Variants in CNTN6 observed in about 807,000 individuals in gnomAD.
The protein encoded by CNTN6 is contactin-6.
Under a neutral mutation model 122.8 loss-of-function variants are expected in CNTN6, and 137 were observed. The observed-to-expected ratio is 1.12, with a 90% CI of 0.97 to 1.29. The LOEUF (loss-of-function observed/expected upper bound fraction) is 1.29, where lower values mean the gene tolerates loss of function less well. CNTN6 is among the 50% of genes most tolerant of loss of function. The probability of loss-of-function intolerance (pLI) is 0.00; values close to 1 mark genes in which losing one functional copy is unlikely to be tolerated. For synonymous variants in CNTN6, 570 were observed against 426.0 expected, an observed-to-expected ratio of 1.34 and a Z score of -4.16; for missense variants, 1,634 against 1,223.4, an observed-to-expected ratio of 1.34 and a Z score of -5.01.
At chr3:1,268,468 G>A (rs1250105442) in intron 4 of CNTN6, among the ~76,000 whole-genome samples, 2 of 151,690 alleles carry the variant, frequency 1.3e-5, no homozygotes, top group Non-Finnish European at 2.9e-5. Flanking sequence ...TTAGCCAGGC[G>A]CGGTGGCAGG....
intron 4 of CNTN6, among the ~76,000 whole-genome samples, chr3:1,243,416 T>A (rs934065489): frequency 3.3e-5 from 5 of 152,196 alleles, no homozygotes; most frequent in Admixed American, 2.0e-4. Context: ...ATTGTACACC[T>A]TGAAGACGAG....
chr3:1,292,337 C>T (rs78468541), intron 5 of CNTN6, among the ~76,000 whole-genome samples: 13,841 of 152,036 alleles, frequency 0.091, 741 homozygotes, highest in African/African-American at 0.15. Flanking sequence ...AAAGTTTTAT[C>T]ACTATGTTTT....
At chr3:1,303,470 A>C (rs375619505) in intron 7 of CNTN6, among the ~76,000 whole-genome samples, 77 of 152,258 alleles carry the variant, frequency 5.1e-4, no homozygotes, top group African/African-American at 1.7e-3. Flanking sequence ...TCAGAGGTTA[A>C]ATTTTAGCTA....
chr3:1,218,146 A>G (rs895379846), intron 2 of CNTN6, among the ~76,000 whole-genome samples: 6 of 152,028 alleles, frequency 3.9e-5, no homozygotes, highest in Non-Finnish European at 8.8e-5. Flanking sequence ...ACTTGGTGTG[A>G]GTGGCAGAGC....
chr3:1,397,182 G>A (rs1266543849), intron 20 of CNTN6, among the ~76,000 whole-genome samples: 3 of 151,950 alleles, frequency 2.0e-5, no homozygotes, highest in South Asian at 2.1e-4. Context: ...TTTGCCAACC[G>A]GCAATTTCTC....
At chr3:1,361,106 C>T (rs557932594) in intron 12 of CNTN6, among the ~76,000 whole-genome samples, 1 of 152,188 alleles carries the variant, frequency 6.6e-6, no homozygotes, top group East Asian at 1.9e-4. Flanking sequence ...TCCCAGGGGA[C>T]ATTGGCAAAA....
At chr3:1,263,844 A>G (rs1274854314) in intron 4 of CNTN6, among the ~76,000 whole-genome samples, 12 of 151,918 alleles carry the variant, frequency 7.9e-5, no homozygotes, top group Admixed American at 7.9e-4. Context: ...GGAAAAATAC[A>G]GAGTGATAGG....
At chr3:1,200,287 G>C (rs1430911220) in intron 2 of CNTN6, among the ~76,000 whole-genome samples, 3 of 152,168 alleles carry the variant, frequency 2.0e-5, no homozygotes, top group Non-Finnish European at 2.9e-5. Flanking sequence ...GCCCTCCTCA[G>C]CTTCCCAAAC....
At chr3:1,298,057 T>C (rs1696586465) in intron 7 of CNTN6, 66 bp downstream of exon 7, 2 of 1,140,594 alleles carry the variant, frequency 1.8e-6, no homozygotes, top group East Asian at 4.9e-5. Flanking sequence ...AAAACCTTTT[T>C]GTTATTCATA....
intron 5 of CNTN6, among the ~76,000 whole-genome samples, chr3:1,282,909 C>T (rs759975474): frequency 6.6e-6 from 1 of 152,170 alleles, no homozygotes; most frequent in East Asian, 1.9e-4. Flanking sequence ...TATTTTATTT[C>T]TTTCACTATG....
At chr3:1,145,365 T>C (rs181054921) in intron 1 of CNTN6, among the ~76,000 whole-genome samples, 2 of 152,190 alleles carry the variant, frequency 1.3e-5, no homozygotes, top group Non-Finnish European at 2.9e-5. Flanking sequence ...CCTGGTCATA[T>C]GCTTGTCCCT....
intron 1 of CNTN6, among the ~76,000 whole-genome samples, chr3:1,139,115 C>T (rs946013339): frequency 1.3e-5 from 2 of 152,072 alleles, no homozygotes; most frequent in African/African-American, 2.4e-5. Context: ...AAAAAAACTG[C>T]CACTTCCATT....
intron 1 of CNTN6, among the ~76,000 whole-genome samples, chr3:1,108,071 C>T (rs2091309516): frequency 6.6e-6 from 1 of 151,950 alleles, no homozygotes; most frequent in South Asian, 2.1e-4. Flanking sequence ...GCATCTACAT[C>T]CCGTTTTCAA....
chr3:1,387,139 C>G (rs1307115250), intron 20 of CNTN6, among the ~76,000 whole-genome samples: 2 of 152,122 alleles, frequency 1.3e-5, no homozygotes, highest in African/African-American at 4.8e-5. Flanking sequence ...TCTCTGTCCT[C>G]ACTCCTTCCC....
At chr3:1,301,226 G>A (rs527486464) in intron 7 of CNTN6, among the ~76,000 whole-genome samples, 30 of 151,828 alleles carry the variant, frequency 2.0e-4, no homozygotes, top group South Asian at 4.2e-4. Context: ...TAGTAGAGGC[G>A]GAGTTTCACT....
intron 1 of CNTN6, among the ~76,000 whole-genome samples, chr3:1,129,624 C>T (rs951374275): frequency 1.3e-5 from 2 of 152,066 alleles, no homozygotes; most frequent in Non-Finnish European, 2.9e-5. Flanking sequence ...GCAATGAATT[C>T]TAATATGCAA....
At chr3:1,334,708 T>C (rs575172126) in intron 11 of CNTN6, among the ~76,000 whole-genome samples, 4 of 152,056 alleles carry the variant, frequency 2.6e-5, no homozygotes, top group Admixed American at 2.6e-4. Context: ...GGCTGTAAGC[T>C]CCATGAAGGC....
intron 7 of CNTN6, among the ~76,000 whole-genome samples, chr3:1,305,177 A>G (rs1698153182): frequency 6.6e-6 from 1 of 152,158 alleles, no homozygotes; most frequent in Non-Finnish European, 1.5e-5. Flanking sequence ...GCACTCAGAA[A>G]ACATAGCTTC....
At position 1,339,064 on chromosome 3, in the gene CNTN6, C is replaced by CTT. The variant is rs58744002; in HGVS notation, c.1364+9138_1364+9139dup. ...CAAGCAGTGAAGCTGTCAGAGCACT[C>CTT]TTTTTTTTTTAAGCCACTGACTAGA... On this transcript the variant is annotated intron_variant, in intron 11 of 22. Transcript: ENST00000446702. Among the ~76,000 whole-genome samples the CTT allele has an allele frequency of 2.7e-3, 399 of 148,976 alleles. 4 individuals are homozygous for CTT. The highest frequency in any genetic ancestry group is 9.3e-3 in the African/African-American group (379 of 40,818).
Sources: allele counts gnomAD v4.1 joint callset (sites outside exome capture counted in the v4.1 genomes callset), GRCh38; gene constraint gnomAD v4.1.1; transcripts MANE v1.5; gene names NCBI Gene and HGNC (gene_info 2026-07-23, HGNC 2026-07-21).